Variants in ERBB4 observed in about 807,000 individuals in gnomAD.
ERBB4 encodes the protein erb-b2 receptor tyrosine kinase 4, also known as receptor tyrosine-protein kinase erbB-4.
Under a neutral mutation model 158.0 loss-of-function variants are expected in ERBB4, and 42 were observed. The ratio of observed to expected loss-of-function variants is 0.27; its 90% CI spans 0.21 to 0.34. The LOEUF is 0.34. Ranked by LOEUF, ERBB4 falls within the 10% of genes least tolerant of loss-of-function variation. The pLI is 1.00. For synonymous variants in ERBB4, 583 were observed against 558.7 expected (o/e 1.04, Z -0.61); for missense variants, 1,333 against 1,624.1 (o/e 0.82, Z 3.08).
At chr2:212,127,374 C>T (rs1575671809) in intron 1 of ERBB4, among the ~76,000 whole-genome samples, 1 of 152,130 alleles carries the variant, frequency 6.6e-6, no homozygotes, top group Non-Finnish European at 1.5e-5. Context: ...GGGCGGATCA[C>T]GAGGTCAGGA....
intron 4 of ERBB4, chr2:211,779,246 C>T (rs1271200723): frequency 6.6e-6 from 1 of 152,194 alleles, no homozygotes; most frequent in Non-Finnish European, 1.5e-5. Context: ...CCGCAACATT[C>T]TGTGCCCTAC....
intron 5 of ERBB4, among the ~76,000 whole-genome samples, chr2:211,735,231 A>T (rs2074566848): frequency 6.6e-6 from 1 of 151,850 alleles, no homozygotes; most frequent in Admixed American, 6.6e-5. Context: ...TTAAAAAAAA[A>T]ACTATACTAA....
In ERBB4 at chr2:211,982,077, C is replaced by T. The variant is rs930073370; in HGVS notation, c.235-34461G>A. Among the ~76,000 whole-genome samples, 73 of 151,712 alleles carry T rather than the reference C, an allele frequency of 4.8e-4. 1 individual carries two copies. The highest frequency in any genetic ancestry group is 2.9e-5 in the Non-Finnish European group (2 of 67,920). On this transcript the variant is annotated intron_variant, in intron 2 of 27. Transcript: ENST00000342788. ...ATCATTATTATATTTTAAAATGCAG[C>T]AGCAATATTGATAAAAACAATAAAT... is the stretch of plus-strand genomic sequence containing the variant.
intron 2 of ERBB4, among the ~76,000 whole-genome samples, chr2:212,012,922 T>C (rs1456373897): frequency 6.6e-6 from 1 of 152,008 alleles, no homozygotes; most frequent in African/African-American, 2.4e-5. Context: ...CCTGTTGATT[T>C]TTTGTAGAGA....
intron 15 of ERBB4, among the ~76,000 whole-genome samples, chr2:211,664,327 ATGTGTGTGTG>A (rs113835907): frequency 4.0e-5 from 6 of 148,846 alleles, no homozygotes; most frequent in African/African-American, 9.9e-5. Context: ...TCAACTACAA[ATGTGTGTGTG>A]TGTGTGTGTG....
intron 1 of ERBB4, among the ~76,000 whole-genome samples, chr2:212,282,313 G>T (rs1227926226): frequency 6.6e-6 from 1 of 151,918 alleles, no homozygotes; most frequent in Non-Finnish European, 1.5e-5. Context: ...TGGCAACAGA[G>T]CTGGGAGTAA....
In ERBB4 at chr2:211,422,122, G is replaced by A. The variant is rs1189112379; in HGVS notation, c.2867-18C>T. Reference sequence around the variant, plus strand: ...CATCCAACCTGGAAATTTACACAGTGAAAATGTCACTATATTCGTAACTAG... The same window carrying A: ...CATCCAACCTGGAAATTTACACAGTAAAAATGTCACTATATTCGTAACTAG... On this transcript the variant is annotated intron_variant, in intron 23 of 27. Coordinates refer to ENST00000342788, the MANE Select transcript of ERBB4 (RefSeq NM_005235.3). 1 of 1,475,862 alleles carries A rather than the reference G, an allele frequency of 6.8e-7. No homozygotes were observed. Among genetic ancestry groups the A allele is most frequent in the Middle Eastern group, 1.7e-4 (1 of 5,828 alleles). 91.4% of individuals were successfully genotyped at this position (1,475,862 alleles called of 1,614,324 possible). A position where few individuals can be genotyped will look rare whatever the true frequency, so the allele number is the denominator to read the frequency against.
At chr2:212,087,144 C>A (rs1287501659) in intron 2 of ERBB4, among the ~76,000 whole-genome samples, 1 of 151,652 alleles carries the variant, frequency 6.6e-6, no homozygotes, top group Non-Finnish European at 1.5e-5. Context: ...AAGCAAGATA[C>A]TGACCTCTTA....
chr2:211,612,693 C>A (rs2069244635), intron 19 of ERBB4, among the ~76,000 whole-genome samples: 1 of 151,940 alleles, frequency 6.6e-6, no homozygotes. Context: ...AGTAAAGCCA[C>A]TAAAGGTCTC....
At chr2:212,176,123 G>GATCT (rs1282858771) in intron 1 of ERBB4, among the ~76,000 whole-genome samples, 1 of 151,960 alleles carries the variant, frequency 6.6e-6, no homozygotes, top group East Asian at 1.9e-4. Flanking sequence ...GCATGTTCAT[G>GATCT]ATCTAGTCTT....
chr2:212,087,726 C>T (rs144703579), intron 2 of ERBB4, among the ~76,000 whole-genome samples: 1 of 152,160 alleles, frequency 6.6e-6, no homozygotes, highest in African/African-American at 2.4e-5. Flanking sequence ...AACATGTTTG[C>T]TGCACTAGAT....
intron 4 of ERBB4, among the ~76,000 whole-genome samples, chr2:211,754,860 T>G (rs1216437502): frequency 6.6e-6 from 1 of 151,956 alleles, no homozygotes; most frequent in East Asian, 1.9e-4. Flanking sequence ...ACCACCACAC[T>G]GGCTAATTTT....
intron 1 of ERBB4, among the ~76,000 whole-genome samples, chr2:212,536,999 G>T (rs1693110219): frequency 6.6e-6 from 1 of 152,126 alleles, no homozygotes; most frequent in South Asian, 2.1e-4. Flanking sequence ...CTGGAGCGCG[G>T]GACCTGGTAT....
chr2:211,520,430 C>T (rs1310547179), intron 20 of ERBB4, among the ~76,000 whole-genome samples: 3 of 151,982 alleles, frequency 2.0e-5, no homozygotes, highest in African/African-American at 4.8e-5. Flanking sequence ...AGTCCTTAGG[C>T]CAAATCTAGC....
rs746636278 is a variant in ERBB4, at chr2:211,875,025, CAAAA to C, written c.421+72401_421+72404del. ...TATTGTCATGCTTCAAATAGAAATGCAAAAAAAAAAAAAAAAAAAAAAAAACAAA... is the reference window on the plus strand; with the variant it reads ...TATTGTCATGCTTCAAATAGAAATGCAAAAAAAAAAAAAAAAAAAAACAAA... On this transcript the variant is annotated intron_variant, in intron 3 of 27. Coordinates refer to ENST00000342788, the MANE Select transcript of ERBB4 (RefSeq NM_005235.3). 5.9e-4 allele frequency among the ~76,000 whole-genome samples: 16 copies of C among 27,026 alleles called. No homozygotes were observed. The South Asian group carries it at 0.031, about 52-fold the overall frequency. The allele number at this position is 27,026 out of a possible 152,430, so 17.7% of individuals were successfully genotyped here.
chr2:211,435,753 C>T (rs1487446155), intron 20 of ERBB4, among the ~76,000 whole-genome samples: 1 of 152,198 alleles, frequency 6.6e-6, no homozygotes, highest in Non-Finnish European at 1.5e-5. Context: ...ACTATCTCCC[C>T]TGCCGGGCCC....
chr2:212,085,917 A>T (rs1226834219), intron 2 of ERBB4, among the ~76,000 whole-genome samples: 2 of 151,938 alleles, frequency 1.3e-5, no homozygotes, highest in African/African-American at 4.8e-5. Flanking sequence ...TTCCAAAGAT[A>T]AGAAGGGATA....
At chr2:211,600,082 A>G (rs931282445) in intron 19 of ERBB4, among the ~76,000 whole-genome samples, 2 of 152,206 alleles carry the variant, frequency 1.3e-5, no homozygotes, top group Non-Finnish European at 2.9e-5. Context: ...GCTTTCCACA[A>G]TAGAATGAGA....
intron 20 of ERBB4, among the ~76,000 whole-genome samples, chr2:211,469,827 T>A (rs2064787862): frequency 6.6e-6 from 1 of 152,076 alleles, no homozygotes; most frequent in African/African-American, 2.4e-5. Context: ...TTTTTAAGAA[T>A]AGGAAAAGAT....
Sources: allele counts gnomAD v4.1 joint callset (sites outside exome capture counted in the v4.1 genomes callset), GRCh38; gene constraint gnomAD v4.1.1; transcripts MANE v1.5; gene names NCBI Gene and HGNC (gene_info 2026-07-23, HGNC 2026-07-21).